Variants in BAIAP2L1 observed in about 807,000 individuals in gnomAD.
BAIAP2L1 encodes the protein BAR/IMD domain-containing adapter protein 2-like 1.
BAIAP2L1 carries 35 observed loss-of-function variants against 66.3 expected under a neutral mutation model. The observed-to-expected ratio is 0.53, with a 90% confidence interval of 0.40 to 0.70. The LOEUF is 0.70. Ranked by LOEUF, BAIAP2L1 falls within the 30% of genes least tolerant of loss-of-function variation. The pLI, the probability that BAIAP2L1 is intolerant of heterozygous loss-of-function variation, is 0.00. For missense variants in BAIAP2L1, 622 were observed against 656.9 expected (o/e 0.95, Z 0.58); for synonymous variants, 269 against 248.7 (o/e 1.08, Z -0.77).
chr7:98,304,211 G>A lies in BAIAP2L1; in HGVS notation c.1407C>T (p.Pro469=), dbSNP rs148664209. The A allele has an allele frequency of 1.2e-5, 19 of 1,601,192 alleles. No individual in the cohort carries two copies. The highest frequency in any genetic ancestry group is 1.1e-4 in the East Asian group (5 of 44,424). The change falls in exon 12 of 14, where the codon CCC becomes CCT. Residue 469 remains proline, a synonymous_variant. Coordinates refer to ENST00000005260, the MANE Select transcript of BAIAP2L1 (RefSeq NM_018842.5). ...CTTTACTCACAGGAGCCGCGGTCTC[G>A]GGCTTGGACGCTGGGGCCTTAAAGG... ...TSTFKAPASK[P]ETAAPNDANG... is the part of the protein sequence containing the mutation.
intron 12 of BAIAP2L1, 99 bp downstream of exon 12, chr7:98,304,096 TG>T: frequency 7.8e-7 from 1 of 1,278,082 alleles, no homozygotes; most frequent in Non-Finnish European, 1.0e-6. Context: ...ACTCTCCCCC[TG>T]GGGACAGAGC....
At chr7:98,308,205 G>C in intron 9 of BAIAP2L1, 1 of 546,410 alleles carries the variant, frequency 1.8e-6, no homozygotes, top group Non-Finnish European at 3.5e-6. Flanking sequence ...CTTTAGCCAG[G>C]ATGGCTCTTC....
intron 1 of BAIAP2L1, among the ~76,000 whole-genome samples, chr7:98,398,208 G>A (rs748897667): frequency 2.0e-5 from 3 of 151,836 alleles, no homozygotes; most frequent in African/African-American, 7.3e-5. Flanking sequence ...GTAATATAGA[G>A]GACATCTCTT....
intron 1 of BAIAP2L1, among the ~76,000 whole-genome samples, chr7:98,387,506 A>C (rs1031508515): frequency 1.3e-5 from 2 of 152,198 alleles, no homozygotes; most frequent in Non-Finnish European, 2.9e-5. Flanking sequence ...ACAGGTCTTC[A>C]GCATTTAAAA....
intron 7 of BAIAP2L1, 88 bp from the exon 8 acceptor site, chr7:98,312,352 G>T: frequency 7.1e-7 from 1 of 1,402,308 alleles, no homozygotes; most frequent in Non-Finnish European, 9.6e-7. Context: ...GCTGATAACA[G>T]ATTACTGGCT....
At chr7:98,297,642 A>G (rs892389062) in intron 12 of BAIAP2L1, among the ~76,000 whole-genome samples, 1 of 152,156 alleles carries the variant, frequency 6.6e-6, no homozygotes, top group African/African-American at 2.4e-5. Context: ...CTTCTGATCT[A>G]GTTCAACCCC....
At chr7:98,296,502 G>C (rs900127320) in intron 12 of BAIAP2L1, among the ~76,000 whole-genome samples, 3 of 152,160 alleles carry the variant, frequency 2.0e-5, no homozygotes, top group African/African-American at 7.2e-5. Flanking sequence ...GCGCACGCCG[G>C]TAATCCCAGC....
intron 12 of BAIAP2L1, among the ~76,000 whole-genome samples, chr7:98,298,220 G>A (rs150564651): frequency 9.3e-4 from 141 of 152,366 alleles, no homozygotes; most frequent in African/African-American, 3.4e-3. Flanking sequence ...TCCCAGGTGA[G>A]TGGGATGCTC....
At chr7:98,353,576 AATAC>A (rs1802050826) in intron 3 of BAIAP2L1, among the ~76,000 whole-genome samples, 1 of 136,842 alleles carries the variant, frequency 7.3e-6, no homozygotes, top group Non-Finnish European at 1.5e-5. Context: ...TAATATTATA[AATAC>A]ATATATATTT....
At chr7:98,359,072 C>T (rs1389520358) in intron 2 of BAIAP2L1, among the ~76,000 whole-genome samples, 1 of 152,222 alleles carries the variant, frequency 6.6e-6, no homozygotes. Flanking sequence ...AGGGCTGCAT[C>T]CAGCCCACAG....
chr7:98,399,319 G>A (rs1803293596), intron 1 of BAIAP2L1, among the ~76,000 whole-genome samples: 1 of 152,158 alleles, frequency 6.6e-6, no homozygotes, highest in Non-Finnish European at 1.5e-5. Context: ...TACACTTTGT[G>A]TGTTAAGATA....
intron 13 of BAIAP2L1, 146 bp downstream of exon 13, chr7:98,293,928 C>CAGG: frequency 1.1e-6 from 1 of 932,614 alleles, no homozygotes; most frequent in Non-Finnish European, 1.7e-6. Flanking sequence ...GTAAAGCGAG[C>CAGG]AGGGGGCTGC....
In BAIAP2L1 at chr7:98,381,399, T is replaced by C. The variant is rs139754613; in HGVS notation, c.52-18967A>G. ...TTTACAGAATTATTGCTACAAAGAT[T>C]GTCCTTCCAGGTGCAAAGGTCATAG... On this transcript the variant is annotated intron_variant, in intron 1 of 13. Coordinates refer to ENST00000005260, the MANE Select transcript of BAIAP2L1 (RefSeq NM_018842.5). 9.4e-4 allele frequency among the ~76,000 whole-genome samples: 143 copies of C among 152,306 alleles called. 2 individuals are homozygous for C. Among genetic ancestry groups the C allele is most frequent in the African/African-American group, 3.3e-3 (138 of 41,576 alleles).
At chr7:98,345,044 C>T (rs1801839102) in intron 3 of BAIAP2L1, among the ~76,000 whole-genome samples, 1 of 152,108 alleles carries the variant, frequency 6.6e-6, no homozygotes, top group Admixed American at 6.6e-5. Context: ...AATGGCAAAA[C>T]TTTTACATCT....
chr7:98,396,483 G>A (rs1163842513), intron 1 of BAIAP2L1, among the ~76,000 whole-genome samples: 6 of 152,154 alleles, frequency 3.9e-5, no homozygotes, highest in African/African-American at 1.4e-4. Flanking sequence ...TTCGGTTTGT[G>A]CATCTTTGGT....
At chr7:98,367,551 T>TTTTTTG (rs35449156) in intron 1 of BAIAP2L1, among the ~76,000 whole-genome samples, 1 of 148,922 alleles carries the variant, frequency 6.7e-6, no homozygotes, top group Non-Finnish European at 1.5e-5. Context: ...TTTTTTTTTT[T>TTTTTTG]GTGAGACGGA....
At chr7:98,387,980 C>T (rs750739386) in intron 1 of BAIAP2L1, among the ~76,000 whole-genome samples, 1 of 151,930 alleles carries the variant, frequency 6.6e-6, no homozygotes, top group Non-Finnish European at 1.5e-5. Flanking sequence ...ACACTATTCT[C>T]TTATCAGGTA....
intron 3 of BAIAP2L1, among the ~76,000 whole-genome samples, chr7:98,353,803 T>C (rs1802059065): frequency 6.7e-6 from 1 of 149,198 alleles, no homozygotes. Flanking sequence ...CTACTAAAAA[T>C]ACAAAAAAAT....
At chr7:98,321,102 G>A (rs1307601478) in intron 3 of BAIAP2L1, among the ~76,000 whole-genome samples, 2 of 151,580 alleles carry the variant, frequency 1.3e-5, no homozygotes, top group African/African-American at 4.9e-5. Flanking sequence ...CAAGTGATCC[G>A]CACACCTCAG....
Sources: gnomAD v4.1 joint callset for allele counts (sites outside exome capture counted in the v4.1 genomes callset) on GRCh38, gnomAD v4.1.1 for gene constraint, MANE v1.5 for transcripts, NCBI Gene and HGNC (gene_info 2026-07-23, HGNC 2026-07-21) for gene names.